The following NEDD4 variants were observed in gnomAD, a reference collection of about 807,000 sequenced individuals.
NEDD4 encodes E3 ubiquitin-protein ligase NEDD4.
In NEDD4, 99 loss-of-function variants were observed where a neutral mutation model predicts 144.9. The ratio of observed to expected loss-of-function variants is 0.68; its 90% CI spans 0.58 to 0.81. NEDD4 has a LOEUF of 0.81. Ranked by LOEUF, NEDD4 falls within the 30% of genes least tolerant of loss-of-function variation. The pLI is 0.00. For missense variants in NEDD4, 985 were observed against 1,065.9 expected, an observed-to-expected ratio of 0.92 and a Z score of 1.06; for synonymous variants, 318 against 350.6, an observed-to-expected ratio of 0.91 and a Z score of 1.04.
chr15:55,842,114 A>G lies in NEDD4; in HGVS notation c.1658T>C (p.Leu553Pro). ...FEMKLRRATV[L>P]EDSYRRIMGV... ...CATAATTCTCCGGTAAGAGTCTTCA[A>G]GAACAGTTGCTCGGCGAAGTTTCAT... Residue 553 changes from leucine to proline, a missense_variant, in exon 19 of 29, where the codon CTT becomes CCT. Coordinates refer to ENST00000435532, the MANE Select transcript of NEDD4 (RefSeq NM_006154.4). 1 of 1,614,170 alleles carries G rather than the reference A, an allele frequency of 6.2e-7. No individual in the cohort carries two copies. Among genetic ancestry groups the G allele is most frequent in the Non-Finnish European group, 8.5e-7 (1 of 1,180,042 alleles).
At chr15:55,936,629 A>G (rs1356110771) in intron 4 of NEDD4, among the ~76,000 whole-genome samples, 1 of 152,202 alleles carries the variant, frequency 6.6e-6, no homozygotes, top group Non-Finnish European at 1.5e-5. Flanking sequence ...AAAAATATAC[A>G]CAGAGCACCT....
chr15:55,905,252 C>A (rs965768088), intron 5 of NEDD4: 9 of 455,632 alleles, frequency 2.0e-5, no homozygotes, highest in Non-Finnish European at 3.1e-5. Context: ...AAAGGAATCA[C>A]CTTCACTCCT....
At chr15:55,915,263 C>T in intron 5 of NEDD4, 1 of 1,531,998 alleles carries the variant, frequency 6.5e-7, no homozygotes, top group Non-Finnish European at 8.7e-7. Flanking sequence ...TTAACATTTA[C>T]CAAGACCAAA....
At chr15:55,908,544 G>A (rs1263634432) in intron 5 of NEDD4, among the ~76,000 whole-genome samples, 1 of 152,140 alleles carries the variant, frequency 6.6e-6, no homozygotes, top group African/African-American at 2.4e-5. Context: ...TTCTCAAAGT[G>A]TGTCTGGGGA....
chr15:55,897,431 A>C (rs1287275060), intron 5 of NEDD4, among the ~76,000 whole-genome samples: 3 of 152,210 alleles, frequency 2.0e-5, no homozygotes, highest in African/African-American at 7.2e-5. Context: ...TACAAAACTA[A>C]ATCAGGAGTT....
intron 5 of NEDD4, among the ~76,000 whole-genome samples, chr15:55,886,621 G>A (rs2035398767): frequency 1.3e-5 from 2 of 152,010 alleles, no homozygotes; most frequent in African/African-American, 4.8e-5. Context: ...AAAATTAGCA[G>A]AGCGTGCTGG....
chr15:55,949,045 A>T (rs1209669660), intron 4 of NEDD4, among the ~76,000 whole-genome samples: 1 of 152,202 alleles, frequency 6.6e-6, no homozygotes, highest in African/African-American at 2.4e-5. Flanking sequence ...AAATTTTTGC[A>T]ATCTACTCAT....
At chr15:55,849,471 C>T (rs1456157893) in intron 14 of NEDD4, among the ~76,000 whole-genome samples, 2 of 152,002 alleles carry the variant, frequency 1.3e-5, no homozygotes, top group East Asian at 1.9e-4. Flanking sequence ...GTGATCCACC[C>T]GCCTTGGCCT....
chr15:55,925,864 A>G (rs2036651884), intron 4 of NEDD4, among the ~76,000 whole-genome samples: 1 of 152,182 alleles, frequency 6.6e-6, no homozygotes, highest in Non-Finnish European at 1.5e-5. Context: ...TCAATGAAGT[A>G]TAAAGTATAC....
At position 55,848,378 on chromosome 15, in the gene NEDD4, A is replaced by G; in HGVS notation, c.1536T>C (p.Thr512=). 6.2e-7 allele frequency: 1 copy of G among 1,614,156 alleles called. No individual in the cohort carries two copies. Among genetic ancestry groups the G allele is most frequent in the Non-Finnish European group, 8.5e-7 (1 of 1,179,988 alleles). ...CACTGGCAGAGAGACTTACTGGTCC[A>G]GTTATTGCTACATTCTCCAACCGAG... ...EDPRLENVAI[T]GPAVPYSRDY... is the part of the protein sequence containing the mutation. The change falls in exon 17 of 29, where the codon ACT becomes ACC. Residue 512 remains threonine, a synonymous_variant. Transcript: ENST00000435532.
chr15:55,857,725 T>C (rs2034251997), intron 11 of NEDD4, among the ~76,000 whole-genome samples: 1 of 152,206 alleles, frequency 6.6e-6, no homozygotes, highest in Non-Finnish European at 1.5e-5. Flanking sequence ...ATACATGTTA[T>C]AAAATTCAAA....
intron 2 of NEDD4, among the ~76,000 whole-genome samples, chr15:55,962,734 G>A (rs547408627): frequency 2.4e-4 from 36 of 151,172 alleles, no homozygotes; most frequent in African/African-American, 8.0e-4. Context: ...GTGAGCCACC[G>A]CACCCAGCCT....
chr15:55,843,786 T>G (rs1274712427), intron 18 of NEDD4, among the ~76,000 whole-genome samples: 2 of 152,120 alleles, frequency 1.3e-5, no homozygotes, highest in Non-Finnish European at 2.9e-5. Context: ...GAACAGCAAC[T>G]TTAGACTGGA....
intron 4 of NEDD4, among the ~76,000 whole-genome samples, chr15:55,936,766 G>C (rs774233300): frequency 1.3e-5 from 2 of 151,238 alleles, no homozygotes; most frequent in Non-Finnish European, 2.9e-5. Flanking sequence ...GTAAAGTGTA[G>C]ATTTTAATTA....
chr15:55,834,733 A>G (rs1361479413), intron 24 of NEDD4, among the ~76,000 whole-genome samples: 1 of 152,200 alleles, frequency 6.6e-6, no homozygotes, highest in African/African-American at 2.4e-5. Flanking sequence ...TCCTGTCTCA[A>G]AACAACAAGA....
chr15:55,952,262 A>C (rs1167345059), intron 2 of NEDD4, among the ~76,000 whole-genome samples: 1 of 152,112 alleles, frequency 6.6e-6, no homozygotes, highest in East Asian at 1.9e-4. Flanking sequence ...TGAACCTGGA[A>C]GGTGGAGCTT....
chr15:55,898,308 G>T (rs1286517842), intron 5 of NEDD4, among the ~76,000 whole-genome samples: 1 of 152,128 alleles, frequency 6.6e-6, no homozygotes, highest in Non-Finnish European at 1.5e-5. Context: ...AAAGGTAAAT[G>T]AATCTAAAAG....
At position 55,827,259 on chromosome 15, in the gene NEDD4, T is replaced by C. The variant is rs1254777038; in HGVS notation, c.*2638A>G. ...TATATGCTTGTAATTTCTAGAAACA[T>C]ATGATGTCCTTGCTTTATGAAAATG... On this transcript the variant is annotated 3_prime_UTR_variant, in exon 29 of 29. Transcript: ENST00000435532. The C allele has an allele frequency of 6.6e-6, 1 of 152,174 alleles. No individual in the cohort carries two copies. The highest frequency in any genetic ancestry group is 1.5e-5 in the Non-Finnish European group (1 of 68,028). The allele number at this position is 152,174 out of a possible 1,614,324, so 9.4% of individuals were successfully genotyped here.
intron 4 of NEDD4, among the ~76,000 whole-genome samples, chr15:55,942,118 T>C (rs1185511119): frequency 1.3e-5 from 2 of 152,202 alleles, no homozygotes; most frequent in Non-Finnish European, 2.9e-5. Context: ...AATCAACTAT[T>C]GTGGATTTGT....
Sources: allele counts gnomAD v4.1 joint callset (sites outside exome capture counted in the v4.1 genomes callset), GRCh38; gene constraint gnomAD v4.1.1; transcripts MANE v1.5; gene names NCBI Gene and HGNC (gene_info 2026-07-23, HGNC 2026-07-21).